Variants in NR3C2 observed in about 807,000 individuals in gnomAD.
The protein encoded by NR3C2 is mineralocorticoid receptor.
NR3C2 carries 15 observed loss-of-function variants against 86.4 expected under a neutral mutation model. The observed-to-expected ratio is 0.17, with a 90% CI of 0.12 to 0.27. The LOEUF is 0.27. NR3C2 is among the 10% of genes least tolerant of loss of function. The probability of loss-of-function intolerance (pLI) is 1.00; values close to 1 mark genes in which losing one functional copy is unlikely to be tolerated. For missense variants in NR3C2, 960 were observed against 1,195.6 expected, an observed-to-expected ratio of 0.80 and a Z score of 2.91; for synonymous variants, 458 against 450.5, an observed-to-expected ratio of 1.02 and a Z score of -0.21.
At chr4:148,438,170 T>C in intron 1 of NR3C2, among the ~76,000 whole-genome samples, 1 of 152,216 alleles carries the variant, frequency 6.6e-6, no homozygotes, top group African/African-American at 2.4e-5. Flanking sequence ...ATTTTGGGCC[T>C]GATAATTCTT....
intron 3 of NR3C2, among the ~76,000 whole-genome samples, chr4:148,234,351 C>G (rs953045520): frequency 2.0e-5 from 3 of 151,982 alleles, no homozygotes; most frequent in African/African-American, 7.3e-5. Flanking sequence ...CAATGGGTCT[C>G]CAGTACTTAT....
chr4:148,170,127 G>A (rs1735056862), intron 4 of NR3C2, among the ~76,000 whole-genome samples: 3 of 152,296 alleles, frequency 2.0e-5, no homozygotes, highest in Middle Eastern at 6.8e-3. Context: ...AGTGTTAGCA[G>A]CATTCCTGGC....
chr4:148,435,621 T>A lies in NR3C2; in HGVS notation c.1240A>T (p.Asn414Tyr). Reference protein sequence around the residue: ...GAFSSSCLGGNSKINSDSSFS... With the variant: ...GAFSSSCLGGYSKINSDSSFS... ...GAAGAATCCGAATTTATTTTGCTAT[T>A]TCCTCCTAGACATGAGCTGCTAAAA... is the stretch of plus-strand genomic sequence containing the variant. The change falls in exon 2 of 9, where the codon AAT becomes TAT. Residue 414 changes from asparagine (N) to tyrosine (Y), a missense_variant. Around this residue, in one of 4 missense-constraint regions of NR3C2, gnomAD observed 680 missense variants for 719.0 expected, o/e 0.95. Coordinates refer to ENST00000358102, the MANE Select transcript of NR3C2 (RefSeq NM_000901.5). 1 of 1,614,204 alleles carries A rather than the reference T, an allele frequency of 6.2e-7. No homozygotes were observed. The highest frequency in any genetic ancestry group is 8.5e-7 in the Non-Finnish European group (1 of 1,180,048).
chr4:148,110,060 C>T (rs1731982703), intron 8 of NR3C2, among the ~76,000 whole-genome samples: 1 of 152,198 alleles, frequency 6.6e-6, no homozygotes, highest in South Asian at 2.1e-4. Context: ...ATTCTATATG[C>T]TTTACATATG....
At chr4:148,432,142 G>C (rs1282109130) in intron 2 of NR3C2, among the ~76,000 whole-genome samples, 1 of 152,070 alleles carries the variant, frequency 6.6e-6, no homozygotes, top group African/African-American at 2.4e-5. Context: ...AAAATCCTTA[G>C]TGAGAAGAGT....
At chr4:148,146,918 C>T (rs1361970749) in intron 6 of NR3C2, among the ~76,000 whole-genome samples, 2 of 151,822 alleles carry the variant, frequency 1.3e-5, no homozygotes, top group African/African-American at 4.8e-5. Context: ...AATACTGAAC[C>T]TTCATTTCAG....
intron 4 of NR3C2, among the ~76,000 whole-genome samples, chr4:148,180,342 T>C (rs1375205578): frequency 2.6e-5 from 4 of 151,768 alleles, no homozygotes; most frequent in African/African-American, 7.2e-5. Flanking sequence ...TGCTCACTTC[T>C]ACATTTCAGT....
In NR3C2 at chr4:148,323,413, C is replaced by T. The variant is rs1020384558; in HGVS notation, c.1758-63296G>A. On this transcript the variant is annotated intron_variant, in intron 2 of 8. Coordinates refer to ENST00000358102, the MANE Select transcript of NR3C2 (RefSeq NM_000901.5). ...GAGCTGTGGTGGGCTCCACCCAGTT[C>T]GAGCTTCCTGGCTGCTTTGTTTACC... Among the ~76,000 whole-genome samples the T allele has an allele frequency of 2.0e-5, 3 of 146,826 alleles. No homozygotes were observed. The South Asian group carries it at 6.9e-4, about 34-fold the overall frequency.
chr4:148,207,259 G>C (rs1737052755), intron 3 of NR3C2, among the ~76,000 whole-genome samples: 1 of 152,102 alleles, frequency 6.6e-6, no homozygotes, highest in South Asian at 2.1e-4. Context: ...CCTGAGCAAG[G>C]AAATGGGTAG....
At chr4:148,242,702 T>C (rs1739119236) in intron 3 of NR3C2, among the ~76,000 whole-genome samples, 1 of 152,218 alleles carries the variant, frequency 6.6e-6, no homozygotes, top group Non-Finnish European at 1.5e-5. Flanking sequence ...GAAAGACTAC[T>C]TACTAAAAAC....
intron 6 of NR3C2, among the ~76,000 whole-genome samples, chr4:148,137,593 C>G (rs530494604): frequency 6.6e-6 from 1 of 152,154 alleles, no homozygotes; most frequent in Non-Finnish European, 1.5e-5. Context: ...GAAACAGATC[C>G]AGACCTTGAA....
intron 6 of NR3C2, among the ~76,000 whole-genome samples, chr4:148,147,776 CGGGTAATGG>C: frequency 6.6e-6 from 1 of 152,104 alleles, no homozygotes; most frequent in East Asian, 1.9e-4. Flanking sequence ...TAGGAAAGCA[CGGGTAATGG>C]CTCAGCGAAA....
intron 6 of NR3C2, among the ~76,000 whole-genome samples, chr4:148,142,374 T>C (rs1733653878): frequency 6.6e-6 from 1 of 152,136 alleles, no homozygotes; most frequent in African/African-American, 2.4e-5. Flanking sequence ...CTCTAGGACC[T>C]ATAGATCCTA....
intron 6 of NR3C2, among the ~76,000 whole-genome samples, chr4:148,139,092 T>C (rs1733489062): frequency 6.6e-6 from 1 of 152,194 alleles, no homozygotes; most frequent in Non-Finnish European, 1.5e-5. Context: ...GAATCAGGGA[T>C]TGTGTTATTG....
rs558495857 is a variant in NR3C2, at chr4:148,128,604, G to A, written c.2511-8316C>T. ...CATCTTCCACTGTCTAAATCTGTGG[G>A]ATGGTTTGAACTTCCCACTCATTCC... is the stretch of plus-strand genomic sequence containing the variant. On this transcript the variant is annotated intron_variant, in intron 6 of 8. Transcript: ENST00000358102. 7.9e-5 allele frequency among the ~76,000 whole-genome samples: 12 copies of A among 152,258 alleles called. No homozygotes were observed. The South Asian group carries it at 2.5e-3, about 32-fold the overall frequency.
chr4:148,199,597 T>C (rs1736613663), intron 3 of NR3C2, among the ~76,000 whole-genome samples: 1 of 152,136 alleles, frequency 6.6e-6, no homozygotes, highest in African/African-American at 2.4e-5. Flanking sequence ...ACTGTACCCC[T>C]GCAGACGAGA....
At chr4:148,306,308 A>G (rs1742621099) in intron 2 of NR3C2, among the ~76,000 whole-genome samples, 1 of 152,212 alleles carries the variant, frequency 6.6e-6, no homozygotes, top group South Asian at 2.1e-4. Context: ...TTACAGCTCT[A>G]TTAGCTTCCT....
At chr4:148,347,073 G>A (rs1745034232) in intron 2 of NR3C2, among the ~76,000 whole-genome samples, 1 of 152,154 alleles carries the variant, frequency 6.6e-6, no homozygotes, top group Non-Finnish European at 1.5e-5. Context: ...GTCAAATTCT[G>A]CTGTGAAGCC....
chr4:148,209,996 C>G (rs1737203724), intron 3 of NR3C2, among the ~76,000 whole-genome samples: 1 of 152,150 alleles, frequency 6.6e-6, no homozygotes, highest in Non-Finnish European at 1.5e-5. Context: ...CAGGGTTTCT[C>G]AGGTGCAACT....
Sources: allele counts gnomAD v4.1 joint callset (sites outside exome capture counted in the v4.1 genomes callset), GRCh38; gene constraint gnomAD v4.1.1; regional missense constraint gnomAD v4.1.1; transcripts MANE v1.5; gene names NCBI Gene and HGNC (gene_info 2026-07-23, HGNC 2026-07-21).